SPAG9: variants seen among roughly 807,000 people sequenced by gnomAD.
SPAG9 encodes sperm associated antigen 9.
A neutral mutation model predicts 166.5 loss-of-function variants in SPAG9; 35 were observed. The ratio of observed to expected loss-of-function variants is 0.21; its 90% CI spans 0.16 to 0.28. The LOEUF (loss-of-function observed/expected upper bound fraction) is 0.28. SPAG9 is among the 10% of genes least tolerant of loss of function. SPAG9 has a pLI of 1.00. For missense variants in SPAG9, 1,235 were observed against 1,603.3 expected (o/e 0.77, Z 3.92); for synonymous variants, 534 against 565.5 (o/e 0.94, Z 0.79).
At chr17:51,056,090 C>G (rs1355464037) in intron 3 of SPAG9, among the ~76,000 whole-genome samples, 1 of 152,142 alleles carries the variant, frequency 6.6e-6, no homozygotes, top group East Asian at 1.9e-4. Context: ...AATCAGTTCT[C>G]TCATCTAAGC....
chr17:50,986,549 G>A (rs1567965222), intron 22 of SPAG9, among the ~76,000 whole-genome samples: 1 of 152,126 alleles, frequency 6.6e-6, no homozygotes, highest in Non-Finnish European at 1.5e-5. Context: ...TTTAAATTTT[G>A]GATTAGAGAT....
At chr17:51,062,295 T>C (rs1048270462) in intron 2 of SPAG9, among the ~76,000 whole-genome samples, 1 of 152,188 alleles carries the variant, frequency 6.6e-6, no homozygotes, top group African/African-American at 2.4e-5. Context: ...ACCCAAAATA[T>C]ATCAATTACA....
intron 1 of SPAG9, among the ~76,000 whole-genome samples, chr17:51,101,562 A>C (rs1224898672): frequency 6.6e-6 from 1 of 152,152 alleles, no homozygotes; most frequent in Non-Finnish European, 1.5e-5. Context: ...AGAAAATTCA[A>C]AATTGAGGAG....
At chr17:51,110,871 C>T (rs1401315315) in intron 1 of SPAG9, among the ~76,000 whole-genome samples, 1 of 149,824 alleles carries the variant, frequency 6.7e-6, no homozygotes, top group Non-Finnish European at 1.5e-5. Context: ...TGTAATCCCA[C>T]CACTTTGGGA....
intron 9 of SPAG9, among the ~76,000 whole-genome samples, chr17:51,012,533 G>A (rs1028980822): frequency 6.6e-6 from 1 of 150,988 alleles, no homozygotes; most frequent in Non-Finnish European, 1.5e-5. Flanking sequence ...TCGCACCACG[G>A]CACTCCAGCC....
At chr17:51,011,028 A>G (rs955498259) in intron 9 of SPAG9, among the ~76,000 whole-genome samples, 2 of 152,208 alleles carry the variant, frequency 1.3e-5, no homozygotes, top group African/African-American at 2.4e-5. Flanking sequence ...TGAAAAGGTA[A>G]GAGTCGAGAC....
At position 51,006,156 on chromosome 17, in the gene SPAG9, T is replaced by C. The variant is rs777469398; in HGVS notation, c.1353A>G (p.Glu451=). Residue 451 remains glutamate (E), a synonymous_variant, in exon 11 of 30, where the codon GAA becomes GAG. Coordinates refer to ENST00000262013, the MANE Select transcript of SPAG9 (RefSeq NM_001130528.3). ...LTCEKDVLQG[E]LEAVKQAKLK... ...GTTTGGCTTGCTTCACAGCCTCCAA[T>C]TCCCCTTGCAGCACATCTTTCTCAC... The C allele has an allele frequency of 3.1e-6, 5 of 1,614,068 alleles. No homozygotes were observed. The highest frequency in any genetic ancestry group is 1.1e-5 in the South Asian group (1 of 91,094).
At chr17:50,985,020 C>G (rs777906212) in intron 23 of SPAG9, 30 bp from the exon 24 acceptor site, 1 of 1,603,492 alleles carries the variant, frequency 6.2e-7, no homozygotes, top group South Asian at 1.1e-5. Context: ...GTTCAGAACT[C>G]TCCATTCAGG....
At chr17:51,094,010 A>G (rs2048544589) in intron 1 of SPAG9, among the ~76,000 whole-genome samples, 1 of 152,204 alleles carries the variant, frequency 6.6e-6, no homozygotes, top group Non-Finnish European at 1.5e-5. Flanking sequence ...GAAGGTCTAA[A>G]GTCTACGTAC....
At chr17:51,108,965 C>A (rs1222139915) in intron 1 of SPAG9, among the ~76,000 whole-genome samples, 3 of 151,254 alleles carry the variant, frequency 2.0e-5, no homozygotes, top group South Asian at 2.1e-4. Flanking sequence ...TGGGTTCAAG[C>A]GATTCTCCTG....
At chr17:51,063,727 CA>C (rs751558087) in intron 2 of SPAG9, among the ~76,000 whole-genome samples, 16 of 151,616 alleles carry the variant, frequency 1.1e-4, no homozygotes, top group South Asian at 2.1e-4. Flanking sequence ...CTACTAAAAA[CA>C]AAAATTAGCC....
rs751179085 is a variant in SPAG9 at position 50,990,452 on chromosome 17, G to A, written c.2615C>T (p.Pro872Leu). ...NGASPVMDKP[P>L]EMEAENSEVD... is the part of the protein sequence containing the mutation. ...GCAGGTAAAGAGAATGGATATACCTGGTGGTTTATCCATCACTGGAGAAGC... is the reference window on the plus strand; with the variant it reads ...GCAGGTAAAGAGAATGGATATACCTAGTGGTTTATCCATCACTGGAGAAGC... The change falls in exon 20 of 30, where the codon CCA (proline) becomes CTA (leucine). Residue 872 changes from proline to leucine, a missense_variant and splice_region_variant. Around this residue, in one of 6 missense-constraint regions of SPAG9, gnomAD observed 493 missense variants for 559.4 expected, o/e 0.88. Coordinates refer to ENST00000262013, the MANE Select transcript of SPAG9 (RefSeq NM_001130528.3). 1.2e-6 allele frequency: 2 copies of A among 1,602,510 alleles called. No homozygotes were observed. The highest frequency in any genetic ancestry group is 3.3e-5 in the Admixed American group (2 of 60,014).
chr17:50,977,257 T>G, intron 26 of SPAG9, 36 bp from the exon 27 acceptor site: 1 of 1,275,034 alleles, frequency 7.8e-7, no homozygotes, highest in East Asian at 2.3e-5. Context: ...ATTGAGAAAC[T>G]AAAGCAGACA....
In SPAG9 at chr17:50,987,196, G is replaced by T. The variant is rs1186912864; in HGVS notation, c.2855C>A (p.Pro952Gln). The T allele has an allele frequency of 5.0e-6, 8 of 1,612,774 alleles. No individual in the cohort carries two copies. The East Asian group carries it at 1.8e-4, about 36-fold the overall frequency. Residue 952 changes from proline to glutamine, a missense_variant, in exon 22 of 30, where the codon CCA becomes CAA. Physicochemically the swap from Pro to Gln is moderately conservative, Grantham distance 76 (BLOSUM62 -1). Transcript: ENST00000262013. ...TTCTCTCACCAAGTCTTGTTCATTTGGCAGTACTGATATTTGATCTTTATA... is the reference window on the plus strand; with the variant it reads ...TTCTCTCACCAAGTCTTGTTCATTTTGCAGTACTGATATTTGATCTTTATA... ...DAYKDQISVLPNEQDLVREEA... is the reference protein window; with the variant it reads ...DAYKDQISVLQNEQDLVREEA...
intron 1 of SPAG9, among the ~76,000 whole-genome samples, chr17:51,110,902 G>A (rs8067290): frequency 0.083 from 12,569 of 151,968 alleles, 1,652 homozygotes; most frequent in African/African-American, 0.28. Context: ...GGCAGATCAC[G>A]AGGTCAGATT....
chr17:51,052,769 A>G (rs1251799290), intron 3 of SPAG9, among the ~76,000 whole-genome samples: 1 of 152,168 alleles, frequency 6.6e-6, no homozygotes, highest in East Asian at 1.9e-4. Context: ...AAGAATGTAT[A>G]TATTTTAGGC....
intron 4 of SPAG9, chr17:51,046,431 G>A (rs560449189): frequency 9.2e-7 from 1 of 1,089,294 alleles, no homozygotes; most frequent in African/African-American, 1.6e-5. Flanking sequence ...TTGTTACAAA[G>A]CAGACCCGTT....
At chr17:51,110,502 G>A (rs947280641) in intron 1 of SPAG9, among the ~76,000 whole-genome samples, 1 of 151,790 alleles carries the variant, frequency 6.6e-6, no homozygotes, top group Non-Finnish European at 1.5e-5. Context: ...ACCAGCCTGG[G>A]CAACATGGTG....
At chr17:51,042,906 T>G (rs2046892232) in intron 4 of SPAG9, among the ~76,000 whole-genome samples, 1 of 152,064 alleles carries the variant, frequency 6.6e-6, no homozygotes, top group Non-Finnish European at 1.5e-5. Context: ...GGGTAGTTTT[T>G]GTTTGTTTGT....
Sources: allele counts gnomAD v4.1 joint callset (sites outside exome capture counted in the v4.1 genomes callset), GRCh38; gene constraint gnomAD v4.1.1; regional missense constraint gnomAD v4.1.1; transcripts MANE v1.5; gene names NCBI Gene and HGNC (gene_info 2026-07-23, HGNC 2026-07-21).